The following CTNNA1 variants were observed in gnomAD, a reference collection of about 807,000 sequenced individuals.
CTNNA1 encodes the protein catenin alpha-1.
In CTNNA1, 37 loss-of-function variants were observed where a neutral mutation model predicts 98.4. The observed-to-expected ratio is 0.38, with a 90% confidence interval of 0.29 to 0.49. The LOEUF is 0.49. Among genes scored for constraint, CTNNA1 ranks in the 20% least tolerant of loss-of-function variants. The pLI, the probability that CTNNA1 is intolerant of heterozygous loss-of-function variation, is 0.95. For synonymous variants in CTNNA1, 404 were observed against 413.2 expected, an observed-to-expected ratio of 0.98 and a Z score of 0.27; for missense variants, 761 against 1,147.2, an observed-to-expected ratio of 0.66 and a Z score of 4.86.
chr5:138,772,524 C>T (rs1467020374), intron 1 of CTNNA1, among the ~76,000 whole-genome samples: 3 of 152,154 alleles, frequency 2.0e-5, no homozygotes, highest in African/African-American at 2.4e-5. Context: ...AAGATTAAGG[C>T]AGGAGCTTTG....
At chr5:138,916,068 C>T (rs1761664855) in intron 10 of CTNNA1, among the ~76,000 whole-genome samples, 1 of 150,180 alleles carries the variant, frequency 6.7e-6, no homozygotes, top group South Asian at 2.1e-4. Context: ...CACACACACA[C>T]ACTAAGTGAA....
At position 138,781,929 on chromosome 5, in the gene CTNNA1, C is replaced by G; in HGVS notation, c.5C>G (p.Thr2Ser). 1.9e-6 allele frequency: 3 copies of G among 1,582,202 alleles called. No homozygotes were observed. Among genetic ancestry groups the G allele is most frequent in the South Asian group, 2.4e-5 (2 of 84,900 alleles). ...CTTTTTGTTTCTTATTTAGAAATGA[C>G]TGCTGTCCATGCAGGCAACATAAAC... M[T>S]AVHAGNINFK... The change falls in exon 2 of 18, where the codon ACT (threonine) becomes AGT (serine). Residue 2 changes from threonine (T) to serine (S), a missense_variant. Physicochemically the swap from Thr to Ser is moderately conservative, Grantham distance 58. Coordinates refer to ENST00000302763, the MANE Select transcript of CTNNA1 (RefSeq NM_001903.5).
At chr5:138,932,128 G>C (rs939671020) in intron 16 of CTNNA1, 10 of 989,624 alleles carry the variant, frequency 1.0e-5, no homozygotes, top group Non-Finnish European at 1.2e-5. Context: ...AAGTGCCTCA[G>C]AGCAGAAGAG....
intron 7 of CTNNA1, among the ~76,000 whole-genome samples, chr5:138,850,006 A>ACACT (rs962208096): frequency 1.3e-5 from 2 of 151,184 alleles, no homozygotes; most frequent in Admixed American, 1.3e-4. Context: ...ACACACACAC[A>ACACT]CTCTCTCTCT....
chr5:138,874,028 C>T lies in CTNNA1; in HGVS notation c.1063-12184C>T. 2 of 1,613,974 alleles carry T rather than the reference C, an allele frequency of 1.2e-6. No individual in the cohort carries two copies. The highest frequency in any genetic ancestry group is 1.7e-6 in the Non-Finnish European group (2 of 1,179,894). On this transcript the variant is annotated intron_variant, in intron 7 of 17. Coordinates refer to ENST00000302763, the MANE Select transcript of CTNNA1 (RefSeq NM_001903.5). This position sits in a 1 kb window ranked among gnomAD's most constrained non-coding sequence, Gnocchi z 4.1. ...CAGAAACTCCAGACTACGACAGTCC[C>T]AGAACAGGCGTACTGGGATAGTCCG...
At chr5:138,885,354 C>A (rs980198254) in intron 7 of CTNNA1, among the ~76,000 whole-genome samples, 1 of 152,104 alleles carries the variant, frequency 6.6e-6, no homozygotes, top group Non-Finnish European at 1.5e-5. Flanking sequence ...TCAGAAAGAA[C>A]CGTATTTGTT....
At chr5:138,792,578 T>C (rs1756496673) in intron 3 of CTNNA1, among the ~76,000 whole-genome samples, 1 of 152,360 alleles carries the variant, frequency 6.6e-6, no homozygotes, top group South Asian at 2.1e-4. Context: ...ACTTAAAACA[T>C]AGCTTTGAAG....
intron 7 of CTNNA1, among the ~76,000 whole-genome samples, chr5:138,853,969 C>T (rs1017326732): frequency 6.6e-6 from 1 of 152,082 alleles, no homozygotes; most frequent in Non-Finnish European, 1.5e-5. Context: ...TGTTTAAGAT[C>T]AAAATTCATT....
intron 6 of CTNNA1, among the ~76,000 whole-genome samples, chr5:138,825,543 A>G (rs1182543206): frequency 4.3e-5 from 5 of 115,186 alleles, no homozygotes; most frequent in Non-Finnish European, 8.8e-5. Context: ...AAAAAAAAAA[A>G]CAAACCAAAA....
chr5:138,858,099 A>G (rs140688829), intron 7 of CTNNA1, among the ~76,000 whole-genome samples: 3 of 151,198 alleles, frequency 2.0e-5, no homozygotes, highest in Admixed American at 6.6e-5. Context: ...ACACTGTCCC[A>G]TATGTGTCAT....
At chr5:138,926,209 G>C (rs545625139) in intron 13 of CTNNA1, among the ~76,000 whole-genome samples, 1 of 152,178 alleles carries the variant, frequency 6.6e-6, no homozygotes, top group South Asian at 2.1e-4. Context: ...TGAGTCTACT[G>C]TGGGGTCTTC....
chr5:138,825,485 T>TTTTTTTTTTGTTG (rs1554085150), intron 6 of CTNNA1, among the ~76,000 whole-genome samples: 4 of 107,934 alleles, frequency 3.7e-5, no homozygotes, highest in Non-Finnish European at 7.4e-5. Context: ...AGTATAAGTT[T>TTTTTTTTTTGTTG]TTTTTTTTTT....
At position 138,930,890 on chromosome 5, in the gene CTNNA1, G is replaced by A. The variant is rs2150337364; in HGVS notation, c.2253G>A (p.Glu751=). 6.2e-7 allele frequency: 1 copy of A among 1,614,132 alleles called. No individual in the cohort carries two copies. Among genetic ancestry groups the A allele is most frequent in the East Asian group, 2.2e-5 (1 of 44,890 alleles). Reference sequence around the variant, plus strand: ...TCAGTGCTGCCAAGAAAATTGCTGAGGCAGGATCCAGGATGGACAAGCTTG... The same window carrying A: ...TCAGTGCTGCCAAGAAAATTGCTGAAGCAGGATCCAGGATGGACAAGCTTG... ...DVISAAKKIA[E]AGSRMDKLGR... Residue 751 remains glutamate, a synonymous_variant, in exon 16 of 18, where the codon GAG becomes GAA. Transcript: ENST00000302763.
intron 7 of CTNNA1, among the ~76,000 whole-genome samples, chr5:138,850,937 A>G (rs1763127730): frequency 6.6e-6 from 1 of 152,224 alleles, no homozygotes; most frequent in Admixed American, 6.5e-5. Context: ...TTAGCCATGC[A>G]CAAACGTTCT....
chr5:138,908,983 T>C (rs989895099), intron 10 of CTNNA1, among the ~76,000 whole-genome samples: 1 of 152,152 alleles, frequency 6.6e-6, no homozygotes, highest in African/African-American at 2.4e-5. Context: ...CTTGTGAATG[T>C]GCCCGTTTTA....
chr5:138,781,232 A>G (rs934472303), intron 1 of CTNNA1, among the ~76,000 whole-genome samples: 1 of 152,188 alleles, frequency 6.6e-6, no homozygotes, highest in Non-Finnish European at 1.5e-5. Flanking sequence ...GATCTTCTGT[A>G]TTCGTTTTTG....
At chr5:138,888,997 A>T (rs1330868281) in intron 9 of CTNNA1, among the ~76,000 whole-genome samples, 1 of 152,210 alleles carries the variant, frequency 6.6e-6, no homozygotes, top group Non-Finnish European at 1.5e-5. Context: ...TAAGTTAATG[A>T]TTCTGGCATT....
intron 10 of CTNNA1, among the ~76,000 whole-genome samples, chr5:138,917,260 A>C (rs1392455723): frequency 6.6e-6 from 1 of 152,262 alleles, no homozygotes; most frequent in Non-Finnish European, 1.5e-5. Context: ...ATTTGTAGTG[A>C]TGGATAACCA....
At chr5:138,866,871 C>G (rs914275454) in intron 7 of CTNNA1, among the ~76,000 whole-genome samples, 21 of 152,188 alleles carry the variant, frequency 1.4e-4, no homozygotes, top group Non-Finnish European at 8.8e-5. Context: ...CCTCTTTTTC[C>G]CCTTCCCTCT....
Sources: gnomAD v4.1 joint callset for allele counts (sites outside exome capture counted in the v4.1 genomes callset) on GRCh38, gnomAD v4.1.1 for gene constraint, Gnocchi (gnomAD v3.1) non-coding constraint, MANE v1.5 for transcripts, NCBI Gene and HGNC (gene_info 2026-07-23, HGNC 2026-07-21) for gene names.